AGAP1: variants seen among roughly 807,000 people sequenced by gnomAD.
AGAP1 encodes ArfGAP with GTPase domain, ankyrin repeat and PH domain 1, also known as arf-GAP with GTPase, ANK repeat and PH domain-containing protein 1.
Under a neutral mutation model 105.3 loss-of-function variants are expected in AGAP1, and 29 were observed. That is an observed-to-expected ratio of 0.28 (90% confidence interval 0.21 to 0.38). The LOEUF is 0.38. Among genes scored for constraint, AGAP1 ranks in the 10% least tolerant of loss-of-function variants. The pLI is 1.00. For missense variants in AGAP1, 998 were observed against 1,165.1 expected, an observed-to-expected ratio of 0.86 and a Z score of 2.09; for synonymous variants, 509 against 485.9, an observed-to-expected ratio of 1.05 and a Z score of -0.63.
chr2:235,761,373 C>T (rs1559450151), intron 6 of AGAP1, among the ~76,000 whole-genome samples: 1 of 152,204 alleles, frequency 6.6e-6, no homozygotes, highest in East Asian at 1.9e-4. Flanking sequence ...GATCATTAAA[C>T]ACACTATTAG....
rs143545977 is a variant in AGAP1 at position 235,535,126 on chromosome 2, A to G, written c.163+40277A>G. ...TGGATTCTCGCCAGGGCCAATACTT[A>G]TCCGCAGGGGTGTGTGCCAGGCAGC... On this transcript the variant is annotated intron_variant, in intron 1 of 17. Coordinates refer to ENST00000304032, the MANE Select transcript of AGAP1 (RefSeq NM_001037131.3). The surrounding 1 kb of genome is among the most constrained non-coding windows in gnomAD (Gnocchi z 5.1). Among the ~76,000 whole-genome samples the G allele has an allele frequency of 6.6e-6, 1 of 152,104 alleles. No homozygotes were observed. The highest frequency in any genetic ancestry group is 2.1e-4 in the South Asian group (1 of 4,824).
chr2:235,812,882 G>A (rs780238045), intron 9 of AGAP1, among the ~76,000 whole-genome samples: 11 of 152,224 alleles, frequency 7.2e-5, no homozygotes, highest in African/African-American at 1.7e-4. Context: ...TGGGCGTAGG[G>A]GCCCGTTTTG....
rs1241669371 is a variant in AGAP1 at position 235,992,765 on chromosome 2, GCGTAGCCTCCTGTTAA to G, written c.1645+24155_1645+24170del. ...GGATGCGTCGTGGGCGCCGAGGAGA[GCGTAGCCTCCTGTTAA>G]CGTAGCCTCCTGCTGCTCTTTGGGG... On this transcript the variant is annotated intron_variant, in intron 13 of 17. Transcript: ENST00000304032. This position sits in a 1 kb window ranked among gnomAD's most constrained non-coding sequence, Gnocchi z 4.8. Among the ~76,000 whole-genome samples the G allele has an allele frequency of 3.3e-5, 5 of 152,302 alleles. No individual in the cohort carries two copies. The highest frequency in any genetic ancestry group is 1.9e-4 in the East Asian group (1 of 5,164).
At chr2:235,534,518 A>G (rs1943146563) in intron 1 of AGAP1, among the ~76,000 whole-genome samples, 1 of 152,014 alleles carries the variant, frequency 6.6e-6, no homozygotes, top group African/African-American at 2.4e-5. Context: ...TTGGTAGTTC[A>G]TTGTTGGGTT....
chr2:235,629,116 T>G (rs1946737636), intron 1 of AGAP1, among the ~76,000 whole-genome samples: 1 of 152,142 alleles, frequency 6.6e-6, no homozygotes, highest in South Asian at 2.1e-4. Context: ...TTCTTATGCC[T>G]TTGTGTCCTC....
intron 9 of AGAP1, among the ~76,000 whole-genome samples, chr2:235,876,102 T>C (rs1187369170): frequency 6.6e-6 from 1 of 152,180 alleles, no homozygotes; most frequent in African/African-American, 2.4e-5. Context: ...TCATCTCCAA[T>C]AGAGGTGTGC....
chr2:235,540,414 A>G (rs970838045), intron 1 of AGAP1, among the ~76,000 whole-genome samples: 1 of 152,208 alleles, frequency 6.6e-6, no homozygotes, highest in Non-Finnish European at 1.5e-5. Context: ...CGGCCTCCCA[A>G]AATGTTGGGA....
At position 235,740,851 on chromosome 2, in the gene AGAP1, G is replaced by A. The variant is rs1952538051; in HGVS notation, c.311-112G>A. The A allele has an allele frequency of 1.7e-6, 2 of 1,209,802 alleles. No homozygotes were observed. The highest frequency in any genetic ancestry group is 3.0e-5 in the South Asian group (2 of 66,400). 74.9% of individuals were successfully genotyped at this position (1,209,802 alleles called of 1,614,324 possible). ...CTGGCAACATCCTAAATACTCAGTT[G>A]CCTCCAGGGCGACAGCCTAGGGTGT... On this transcript the variant is annotated intron_variant, in intron 3 of 17. Coordinates refer to ENST00000304032, the MANE Select transcript of AGAP1 (RefSeq NM_001037131.3). The surrounding 1 kb of genome is among the most constrained non-coding windows in gnomAD (Gnocchi z 5.7).
rs2054078454 is a variant in AGAP1 at position 235,959,253 on chromosome 2, CCG to C, written c.1484-9208_1484-9207del. ...GCAGCCAGGAGGAGCGGATGGCGCT[CCG>C]TGGGCCGGCTGGAGCTCATTTACAG... is the stretch of plus-strand genomic sequence containing the variant. On this transcript the variant is annotated intron_variant, in intron 12 of 17. Transcript: ENST00000304032. This position sits in a 1 kb window ranked among gnomAD's most constrained non-coding sequence, Gnocchi z 7.3. Among the ~76,000 whole-genome samples the C allele has an allele frequency of 6.6e-6, 1 of 152,186 alleles. No individual in the cohort carries two copies. The highest frequency in any genetic ancestry group is 1.5e-5 in the Non-Finnish European group (1 of 68,042).
intron 9 of AGAP1, among the ~76,000 whole-genome samples, chr2:235,880,576 C>A (rs200301262): frequency 2.5e-4 from 35 of 142,342 alleles, no homozygotes; most frequent in East Asian, 1.4e-3. Flanking sequence ...ACTAAAAATA[C>A]AAAAAAAAAA....
intron 6 of AGAP1, chr2:235,783,347 G>T (rs975441421): frequency 2.1e-6 from 1 of 471,186 alleles, no homozygotes; most frequent in African/African-American, 2.0e-5. Flanking sequence ...TATGCTTAAT[G>T]TTCTAAAAGC....
At chr2:235,803,003 GGTT>G (rs2150070302) in intron 8 of AGAP1, among the ~76,000 whole-genome samples, 2 of 131,822 alleles carry the variant, frequency 1.5e-5, no homozygotes, top group Non-Finnish European at 3.4e-5. Flanking sequence ...TGGTGGTGAT[GGTT>G]GTGGTTGTGA....
At chr2:235,502,053 CTG>C (rs1389369821) in intron 1 of AGAP1, among the ~76,000 whole-genome samples, 1 of 152,122 alleles carries the variant, frequency 6.6e-6, no homozygotes, top group African/African-American at 2.4e-5. Context: ...TCTGGAAGCT[CTG>C]TGCTTCTGAG....
intron 1 of AGAP1, chr2:235,670,399 C>A (rs1048966824): frequency 8.8e-6 from 5 of 567,438 alleles, no homozygotes; most frequent in African/African-American, 2.0e-5. Flanking sequence ...CCCGCAGCAC[C>A]GGGCAGCTGG....
Position 235,700,932 on chromosome 2 carries a change from C to T in AGAP1, c.164-8247C>T, listed in dbSNP as rs1163107829. On this transcript the variant is annotated intron_variant, in intron 1 of 17. Transcript: ENST00000304032. The surrounding 1 kb of genome is among the most constrained non-coding windows in gnomAD (Gnocchi z 6.1). ...ATGCATATATTATGTATTACACATG[C>T]TAGCATATTTGTAATATATATATTA... Among the ~76,000 whole-genome samples, 3 of 146,380 alleles carry T rather than the reference C, an allele frequency of 2.0e-5. No homozygotes were observed. Among genetic ancestry groups the T allele is most frequent in the Non-Finnish European group, 3.0e-5 (2 of 67,132 alleles).
rs780371044 is a variant in AGAP1, at chr2:235,919,709, A to C, written c.1324+10803A>C. ...AAATGAAAATGAATTTCATGTTAAAAACACACACACACACACCTGTTGCAT... is the reference window on the plus strand; with the variant it reads ...AAATGAAAATGAATTTCATGTTAAACACACACACACACACACCTGTTGCAT... On this transcript the variant is annotated intron_variant, in intron 11 of 17. Coordinates refer to ENST00000304032, the MANE Select transcript of AGAP1 (RefSeq NM_001037131.3). The surrounding 1 kb of genome is among the most constrained non-coding windows in gnomAD (Gnocchi z 4.1). Among the ~76,000 whole-genome samples the C allele has an allele frequency of 1.8e-3, 270 of 152,026 alleles. No homozygotes were observed. Among genetic ancestry groups the C allele is most frequent in the Middle Eastern group, 6.8e-3 (2 of 292 alleles).
intron 1 of AGAP1, among the ~76,000 whole-genome samples, chr2:235,526,518 A>G (rs1424225299): frequency 2.6e-5 from 4 of 152,242 alleles, no homozygotes; most frequent in African/African-American, 9.6e-5. Context: ...ATTTGAAATT[A>G]TAGACTATCC....
Position 236,076,533 on chromosome 2 carries a change from C to T in AGAP1, c.2114+27252C>T, listed in dbSNP as rs1328171396. On this transcript the variant is annotated intron_variant, in intron 16 of 17. Transcript: ENST00000304032. The surrounding 1 kb of genome is among the most constrained non-coding windows in gnomAD (Gnocchi z 4.4). ...CTGTCCTGACCTTCTCAGTGTGTGA[C>T]CCAGGACACCGTGGAATCTGGGAAA... 6.6e-6 allele frequency among the ~76,000 whole-genome samples: 1 copy of T among 152,126 alleles called. No individual in the cohort carries two copies. Among genetic ancestry groups the T allele is most frequent in the African/African-American group, 2.4e-5 (1 of 41,408 alleles).
In AGAP1 at chr2:235,994,237, C is replaced by T. The variant is rs933631958; in HGVS notation, c.1645+25614C>T. Among the ~76,000 whole-genome samples the T allele has an allele frequency of 7.2e-5, 11 of 152,162 alleles. No individual in the cohort carries two copies. The highest frequency in any genetic ancestry group is 1.6e-4 in the Non-Finnish European group (11 of 68,028). On this transcript the variant is annotated intron_variant, in intron 13 of 17. Transcript: ENST00000304032. The surrounding 1 kb of genome is among the most constrained non-coding windows in gnomAD (Gnocchi z 4.4). The stretch of plus-strand genomic sequence containing the variant: ...GCAAGACACCTTCGTCTTAGAGTGC[C>T]TACATCCATTTCTGTTGAAACTGGT...
Sources: gnomAD v4.1 joint callset for allele counts (sites outside exome capture counted in the v4.1 genomes callset) on GRCh38, gnomAD v4.1.1 for gene constraint, Gnocchi (gnomAD v3.1) non-coding constraint, MANE v1.5 for transcripts, NCBI Gene and HGNC (gene_info 2026-07-23, HGNC 2026-07-21) for gene names.